AGMO: variants seen among roughly 807,000 people sequenced by gnomAD.
AGMO encodes the protein glyceryl-ether monooxygenase.
A neutral mutation model predicts 60.2 loss-of-function variants in AGMO; 75 were observed. The ratio of observed to expected loss-of-function variants is 1.25; its 90% CI spans 1.03 to 1.51. The LOEUF (loss-of-function observed/expected upper bound fraction) is 1.51. Among genes scored for constraint, AGMO ranks in the 40% most tolerant of loss-of-function variants. The pLI, the probability that AGMO is intolerant of heterozygous loss-of-function variation, is 0.00. For synonymous variants in AGMO, 261 were observed against 177.1 expected (o/e 1.47, Z -3.76); for missense variants, 763 against 525.5 (o/e 1.45, Z -4.42).
chr7:15,358,494 G>A (rs1364060233), intron 12 of AGMO: 2 of 465,596 alleles, frequency 4.3e-6, no homozygotes, highest in Middle Eastern at 3.3e-4. Flanking sequence ...CGTGATTTCA[G>A]TCAGAACTGT....
At chr7:15,290,615 A>G (rs1784235278) in intron 12 of AGMO, among the ~76,000 whole-genome samples, 1 of 152,140 alleles carries the variant, frequency 6.6e-6, no homozygotes, top group Non-Finnish European at 1.5e-5. Flanking sequence ...GGTCACATAG[A>G]GGAATGGGCA....
chr7:15,466,502 T>C (rs1782293632), intron 3 of AGMO, among the ~76,000 whole-genome samples: 1 of 152,166 alleles, frequency 6.6e-6, no homozygotes, highest in South Asian at 2.1e-4. Context: ...TGGCTCATGT[T>C]ATAGGTGAAG....
chr7:15,488,792 G>A (rs557419641), intron 3 of AGMO, among the ~76,000 whole-genome samples: 1 of 151,794 alleles, frequency 6.6e-6, no homozygotes, highest in East Asian at 1.9e-4. Context: ...GTTACATAAG[G>A]GCACATTCGG....
intron 3 of AGMO, among the ~76,000 whole-genome samples, chr7:15,499,272 T>C (rs1247859539): frequency 6.6e-6 from 1 of 151,888 alleles, no homozygotes; most frequent in Admixed American, 6.6e-5. Flanking sequence ...AGATGTTTTT[T>C]TAAAAAACAA....
In AGMO at chr7:15,212,650, A is replaced by G. The variant is rs10479947; in HGVS notation, c.1264-11291T>C. On this transcript the variant is annotated intron_variant, in intron 12 of 12. Transcript: ENST00000342526. The stretch of plus-strand genomic sequence containing the variant: ...CATATCTAGCACAGCTATCTTAACA[A>G]GGTTCTTACAAGGGTAAGCGATGAA... Among the ~76,000 whole-genome samples, 678 of 152,080 alleles carry G rather than the reference A, an allele frequency of 4.5e-3. 3 individuals carry two copies. Among genetic ancestry groups the G allele is most frequent in the African/African-American group, 0.016 (648 of 41,550 alleles).
chr7:15,221,260 A>G (rs1386607028), intron 12 of AGMO, among the ~76,000 whole-genome samples: 2 of 152,160 alleles, frequency 1.3e-5, no homozygotes, highest in African/African-American at 4.8e-5. Context: ...CTCTGGAAGT[A>G]AAGGCCATCT....
chr7:15,345,669 T>C (rs1782007224), intron 12 of AGMO, among the ~76,000 whole-genome samples: 1 of 152,186 alleles, frequency 6.6e-6, no homozygotes, highest in Non-Finnish European at 1.5e-5. Context: ...TTTAAATATT[T>C]ACCATGTACC....
chr7:15,243,135 A>G (rs1782641009), intron 12 of AGMO, among the ~76,000 whole-genome samples: 1 of 152,078 alleles, frequency 6.6e-6, no homozygotes, highest in Non-Finnish European at 1.5e-5. Context: ...TATAAGACTT[A>G]TTAATATACA....
At chr7:15,203,487 TTTTTC>T (rs1469059048) in intron 12 of AGMO, among the ~76,000 whole-genome samples, 3 of 152,092 alleles carry the variant, frequency 2.0e-5, no homozygotes. Context: ...TCTTATTTTT[TTTTTC>T]TTTTCTTTTT....
At chr7:15,183,502 C>G in the AGMO span, among the ~76,000 whole-genome samples, 1 of 152,198 alleles carries the variant, frequency 6.6e-6, no homozygotes, top group African/African-American at 2.4e-5. Flanking sequence ...CGCATCCTCA[C>G]TTAAACAGAG....
intron 3 of AGMO, among the ~76,000 whole-genome samples, chr7:15,493,666 C>T (rs1206844158): frequency 2.0e-4 from 31 of 152,076 alleles, no homozygotes; most frequent in African/African-American, 7.2e-5. Flanking sequence ...TGAGCCACCG[C>T]GCCCGGCCCA....
intron 3 of AGMO, among the ~76,000 whole-genome samples, chr7:15,463,552 A>T (rs17168762): frequency 0.18 from 28,091 of 152,154 alleles, 3,672 homozygotes; most frequent in East Asian, 0.61. Flanking sequence ...ACTTTCGAGC[A>T]AAGAATTAAT....
At chr7:15,418,674 A>T in intron 4 of AGMO, 21 bp from the exon 5 acceptor site, 3 of 1,437,092 alleles carry the variant, frequency 2.1e-6, no homozygotes, top group African/African-American at 1.5e-5. Flanking sequence ...AAATTAAAAA[A>T]AAATTAATTT....
In AGMO at chr7:15,248,677, T is replaced by G. The variant is rs180968122; in HGVS notation, c.1264-47318A>C. Among the ~76,000 whole-genome samples the G allele has an allele frequency of 2.6e-5, 4 of 152,282 alleles. No homozygotes were observed. In the East Asian group the frequency reaches 5.8e-4, roughly 22 times the overall value. ...GTGGTGACACACAAGACACATATTG[T>G]CCCATGGCTATTTTTGGGCTAGAAC... is the stretch of plus-strand genomic sequence containing the variant. On this transcript the variant is annotated intron_variant, in intron 12 of 12. Transcript: ENST00000342526.
chr7:15,424,145 A>G (rs1780997533), intron 4 of AGMO, among the ~76,000 whole-genome samples: 1 of 152,120 alleles, frequency 6.6e-6, no homozygotes, highest in Admixed American at 6.6e-5. Flanking sequence ...CTTGACCCAT[A>G]GCGGTTCTCA....
intron 12 of AGMO, among the ~76,000 whole-genome samples, chr7:15,330,365 C>T (rs1014976718): frequency 6.6e-6 from 1 of 152,132 alleles, no homozygotes; most frequent in Non-Finnish European, 1.5e-5. Flanking sequence ...TGGGCTTGTT[C>T]TTATACAAAT....
chr7:15,551,608 C>T (rs1202708969), intron 2 of AGMO, among the ~76,000 whole-genome samples: 1 of 151,492 alleles, frequency 6.6e-6, no homozygotes, highest in South Asian at 2.1e-4. Context: ...ATCCAACTTA[C>T]AAGGGATGTG....
At chr7:15,531,467 ATATATATTCTCTATATATATTC>A (rs1784349364) in intron 3 of AGMO, among the ~76,000 whole-genome samples, 1 of 57,958 alleles carries the variant, frequency 1.7e-5, no homozygotes, top group Non-Finnish European at 2.8e-5. Context: ...TATATATTCT[ATATATATTCTCTATATATATTC>A]TATATATATT....
chr7:15,211,095 T>C lies in AGMO; in HGVS notation c.1264-9736A>G, dbSNP rs546158049. ...AACTCTGAAAAAGGAGTAAGCAAAC[T>C]AGGATGTCCCAGTTCAACACAAACT... On this transcript the variant is annotated intron_variant, in intron 12 of 12. Coordinates refer to ENST00000342526, the MANE Select transcript of AGMO (RefSeq NM_001004320.2). Among the ~76,000 whole-genome samples the C allele has an allele frequency of 9.6e-4, 146 of 152,032 alleles. 1 individual carries two copies. Among genetic ancestry groups the C allele is most frequent in the African/African-American group, 3.4e-3 (142 of 41,528 alleles).
Sources: gnomAD v4.1 joint callset for allele counts (sites outside exome capture counted in the v4.1 genomes callset) on GRCh38, gnomAD v4.1.1 for gene constraint, MANE v1.5 for transcripts, NCBI Gene and HGNC (gene_info 2026-07-23, HGNC 2026-07-21) for gene names.